CLIP2: variants seen among roughly 807,000 people sequenced by gnomAD.
The protein encoded by CLIP2 is CAP-Gly domain-containing linker protein 2.
Under a neutral mutation model 111.7 loss-of-function variants are expected in CLIP2, and 41 were observed. That is an observed-to-expected ratio of 0.37 (90% CI 0.29 to 0.48). The LOEUF (loss-of-function observed/expected upper bound fraction) is 0.48. Ranked by LOEUF, CLIP2 falls within the 20% of genes least tolerant of loss-of-function variation. The probability of loss-of-function intolerance (pLI) is 0.99; values close to 1 mark genes in which losing one functional copy is unlikely to be tolerated. For synonymous variants in CLIP2, 660 were observed against 644.2 expected (o/e 1.02, Z -0.37); for missense variants, 1,160 against 1,422.1 (o/e 0.82, Z 2.96).
chr7:74,351,326 G>A lies in CLIP2; in HGVS notation c.679-2554G>A, dbSNP rs556634071. ...AAAATAGCCAGGCGTGGTGCCCTGT[G>A]CCTGTAGTCCCAGCTACTTGGGAGG... is the stretch of plus-strand genomic sequence containing the variant. On this transcript the variant is annotated intron_variant, in intron 3 of 16. Coordinates refer to ENST00000223398, the MANE Select transcript of CLIP2 (RefSeq NM_003388.5). 2.0e-5 allele frequency among the ~76,000 whole-genome samples: 3 copies of A among 149,588 alleles called. No homozygotes were observed. In the East Asian group the frequency reaches 5.9e-4, roughly 30 times the overall value.
chr7:74,354,010 G>T lies in CLIP2; in HGVS notation c.803+6G>T. 1 of 1,609,016 alleles carries T rather than the reference G, an allele frequency of 6.2e-7. No homozygotes were observed. Among genetic ancestry groups the T allele is most frequent in the South Asian group, 1.1e-5 (1 of 90,390 alleles). ...GGGGCGGTGGCGGGCACCAGGTATG[G>T]TGGGCTTCTTCTGGGGAGTATGGGA... On this transcript the variant is annotated splice_donor_region_variant and intron_variant, in intron 4 of 16. Transcript: ENST00000223398.
intron 12 of CLIP2, among the ~76,000 whole-genome samples, chr7:74,388,058 G>C (rs1306328425): frequency 1.3e-5 from 2 of 152,004 alleles, no homozygotes; most frequent in Non-Finnish European, 2.9e-5. Context: ...GGCTGGGCAT[G>C]GTGGCTCATG....
chr7:74,386,387 G>A, intron 11 of CLIP2, 134 bp from the exon 12 acceptor site: 2 of 652,392 alleles, frequency 3.1e-6, no homozygotes, highest in South Asian at 3.7e-5. Flanking sequence ...GAGACGGCTG[G>A]AGTGAGGAAG....
intron 13 of CLIP2, 111 bp from the exon 14 acceptor site, chr7:74,396,963 C>T (rs547291151): frequency 1.3e-4 from 177 of 1,352,310 alleles, no homozygotes; most frequent in Middle Eastern, 2.7e-4. Context: ...ATCTAGTAGC[C>T]CATGTCCCCC....
intron 15 of CLIP2, among the ~76,000 whole-genome samples, chr7:74,401,214 A>G (rs11973131): frequency 0.032 from 4,633 of 146,396 alleles, 224 homozygotes; most frequent in African/African-American, 0.11. Context: ...ACCCTGATCT[A>G]AAGCGGGAGG....
Position 74,376,932 on chromosome 7 carries a change from C to T in CLIP2, c.2421+110C>T. 8.9e-7 allele frequency: 1 copy of T among 1,129,706 alleles called. No homozygotes were observed. The allele number at this position is 1,129,706 out of a possible 1,614,324, so 70.0% of individuals were successfully genotyped here. On this transcript the variant is annotated intron_variant, in intron 10 of 16. Coordinates refer to ENST00000223398, the MANE Select transcript of CLIP2 (RefSeq NM_003388.5). This position sits in a 1 kb window ranked among gnomAD's most constrained non-coding sequence, Gnocchi z 7.1. The stretch of plus-strand genomic sequence containing the variant: ...GAAGCATTTCCCTTGTCCCCGAGAG[C>T]ATGCCTGGGGCAGTCAAGGAAGGGG...
At chr7:74,365,271 C>T (rs1790447513) in intron 8 of CLIP2, among the ~76,000 whole-genome samples, 1 of 152,092 alleles carries the variant, frequency 6.6e-6, no homozygotes, top group African/African-American at 2.4e-5. Context: ...CCTGTGCCAG[C>T]TGCAGTCACC....
chr7:74,348,796 A>AG (rs1789886945), intron 3 of CLIP2, among the ~76,000 whole-genome samples: 1 of 151,278 alleles, frequency 6.6e-6, no homozygotes, highest in South Asian at 2.1e-4. Flanking sequence ...TCTCAAAAAA[A>AG]AAAAAAAAAA....
intron 2 of CLIP2, among the ~76,000 whole-genome samples, chr7:74,336,630 A>C (rs1554732135): frequency 1.3e-5 from 2 of 152,060 alleles, no homozygotes; most frequent in Non-Finnish European, 2.9e-5. Context: ...AAAACGTGGA[A>C]ATTATGGGAG....
intron 8 of CLIP2, among the ~76,000 whole-genome samples, chr7:74,368,842 C>A (rs1366572110): frequency 6.6e-6 from 1 of 152,200 alleles, no homozygotes; most frequent in Non-Finnish European, 1.5e-5. Context: ...ATCAACTCAC[C>A]GCCAGTCTTA....
chr7:74,300,408 T>C lies in CLIP2; in HGVS notation c.-68+10674T>C, dbSNP rs192052709. Among the ~76,000 whole-genome samples the C allele has an allele frequency of 3.3e-5, 5 of 152,170 alleles. No individual in the cohort carries two copies. The East Asian group carries it at 9.7e-4, about 29-fold the overall frequency. On this transcript the variant is annotated intron_variant, in intron 1 of 16. Coordinates refer to ENST00000223398, the MANE Select transcript of CLIP2 (RefSeq NM_003388.5). The stretch of plus-strand genomic sequence containing the variant: ...GTATTTGATTTTCCGAGTTGTTTTC[T>C]AGGGATAATGGCTCCCATCCATGTT...
At chr7:74,329,086 G>T (rs1321657468) in intron 2 of CLIP2, among the ~76,000 whole-genome samples, 10 of 111,816 alleles carry the variant, frequency 8.9e-5, no homozygotes, top group Admixed American at 1.0e-4. Flanking sequence ...TTTTTTTTTT[G>T]GTTTTTTTTT....
rs1222542271 is a variant in CLIP2, at chr7:74,349,468, GTGTATATATA to G, written c.679-4410_679-4401del. On this transcript the variant is annotated intron_variant, in intron 3 of 16. Transcript: ENST00000223398. ...AAAAAGTATGTATGTGTGTGTGTGT[GTGTATATATA>G]TATATATATATATATATATATATAT... Among the ~76,000 whole-genome samples the G allele has an allele frequency of 1.9e-3, 116 of 61,766 alleles. 1 individual carries two copies. Among genetic ancestry groups the G allele is most frequent in the East Asian group, 4.7e-3 (7 of 1,486 alleles). The allele number at this position is 61,766 out of a possible 152,430, so 40.5% of individuals were successfully genotyped here.
intron 3 of CLIP2, among the ~76,000 whole-genome samples, chr7:74,346,576 A>G (rs1789801385): frequency 6.6e-6 from 1 of 152,126 alleles, no homozygotes; most frequent in Non-Finnish European, 1.5e-5. Context: ...TACAAAAGTT[A>G]GCTGGGTGTG....
In CLIP2 at chr7:74,321,888, C is replaced by T. The variant is rs150152239; in HGVS notation, c.121+4221C>T. Among the ~76,000 whole-genome samples the T allele has an allele frequency of 5.0e-3, 753 of 152,068 alleles. 7 individuals carry two copies. Among genetic ancestry groups the T allele is most frequent in the African/African-American group, 0.018 (728 of 41,514 alleles). On this transcript the variant is annotated intron_variant, in intron 2 of 16. Transcript: ENST00000223398. ...ATTCACTCACTCACTCACCCAGAGC[C>T]GCTTCCAGACGTGCAAACTCCATTC...
At chr7:74,355,969 C>T (rs933439438) in intron 4 of CLIP2, among the ~76,000 whole-genome samples, 5 of 152,118 alleles carry the variant, frequency 3.3e-5, no homozygotes, top group South Asian at 4.1e-4. Context: ...CCAAGCTTAG[C>T]GGGTGTTGGA....
At position 74,364,361 on chromosome 7, in the gene CLIP2, C is replaced by T. The variant is rs782357570; in HGVS notation, c.1380+46C>T. 25 of 1,549,616 alleles carry T rather than the reference C, an allele frequency of 1.6e-5. No individual in the cohort carries two copies. In the South Asian group the frequency reaches 1.9e-4, roughly 12 times the overall value. The stretch of plus-strand genomic sequence containing the variant: ...CCCTGGGCACACTTAGCACCGGTGC[C>T]TGGCCCTTGCTAGGGCAGATGGTTG... On this transcript the variant is annotated intron_variant, in intron 8 of 16. Coordinates refer to ENST00000223398, the MANE Select transcript of CLIP2 (RefSeq NM_003388.5).
In CLIP2 at chr7:74,353,508, C is replaced by T. The variant is rs182584051; in HGVS notation, c.679-372C>T. 2.7e-3 allele frequency among the ~76,000 whole-genome samples: 418 copies of T among 152,276 alleles called. 2 individuals are homozygous for T. The highest frequency in any genetic ancestry group is 9.7e-3 in the African/African-American group (402 of 41,560). ...TCAGGTGATCTGCCCACCTTGGCCTCCCAAAGTGCTGGGATTACAGGCATG... is the reference window on the plus strand; with the variant it reads ...TCAGGTGATCTGCCCACCTTGGCCTTCCAAAGTGCTGGGATTACAGGCATG... On this transcript the variant is annotated intron_variant, in intron 3 of 16. Transcript: ENST00000223398.
At chr7:74,397,387 G>A (rs371792179) in intron 14 of CLIP2, among the ~76,000 whole-genome samples, 154 bp downstream of exon 14, 3 of 152,112 alleles carry the variant, frequency 2.0e-5, no homozygotes, top group African/African-American at 7.2e-5. Flanking sequence ...AGGACCACAG[G>A]CAGGTGGAGG....
Sources: allele counts gnomAD v4.1 joint callset (sites outside exome capture counted in the v4.1 genomes callset), GRCh38; gene constraint gnomAD v4.1.1; non-coding constraint Gnocchi (gnomAD v3.1); transcripts MANE v1.5; gene names NCBI Gene and HGNC (gene_info 2026-07-23, HGNC 2026-07-21).